The following CCDC102B variants were observed in gnomAD, a reference collection of about 807,000 sequenced individuals.
CCDC102B encodes coiled-coil domain-containing protein 102B.
A neutral mutation model predicts 57.4 loss-of-function variants in CCDC102B; 75 were observed. That is an observed-to-expected ratio of 1.31 (90% CI 1.08 to 1.58). CCDC102B has a LOEUF of 1.58. Ranked by LOEUF, CCDC102B falls within the 40% of genes most tolerant of loss-of-function variation. The probability of loss-of-function intolerance (pLI) is 0.00; values close to 1 mark genes in which losing one functional copy is unlikely to be tolerated. For synonymous variants in CCDC102B, 206 were observed against 201.9 expected, an observed-to-expected ratio of 1.02 and a Z score of -0.17; for missense variants, 636 against 582.6, an observed-to-expected ratio of 1.09 and a Z score of -0.94.
intron 6 of CCDC102B, among the ~76,000 whole-genome samples, chr18:68,987,776 CA>C (rs146775836): frequency 1.3e-5 from 2 of 150,728 alleles, no homozygotes; most frequent in Non-Finnish European, 3.0e-5. Context: ...AACAAATGGC[CA>C]AAAAAAACCA....
intron 2 of CCDC102B, among the ~76,000 whole-genome samples, chr18:68,743,264 C>T (rs906292577): frequency 1.3e-5 from 2 of 151,630 alleles, no homozygotes; most frequent in African/African-American, 4.8e-5. Flanking sequence ...AAAAATTAGA[C>T]AGGTGTGGGG....
intron 3 of CCDC102B, among the ~76,000 whole-genome samples, chr18:68,840,315 A>G (rs148011722): frequency 2.0e-5 from 3 of 152,300 alleles, no homozygotes; most frequent in Non-Finnish European, 2.9e-5. Flanking sequence ...GGACTGAAAT[A>G]GGGATAAATA....
intron 7 of CCDC102B, among the ~76,000 whole-genome samples, chr18:69,052,728 G>T (rs182195292): frequency 1.3e-5 from 2 of 151,444 alleles, no homozygotes; most frequent in Admixed American, 1.3e-4. Flanking sequence ...CTACCCAGTT[G>T]GCCCTCCATA....
chr18:69,000,131 G>A (rs2051162457), intron 6 of CCDC102B, among the ~76,000 whole-genome samples: 3 of 152,044 alleles, frequency 2.0e-5, no homozygotes, highest in Non-Finnish European at 4.4e-5. Context: ...AGCATAAGAG[G>A]ATAGTTTATT....
chr18:69,055,238 G>A, downstream of CCDC102B: 1 of 795,448 alleles, frequency 1.3e-6, no homozygotes, highest in Middle Eastern at 6.4e-4. Context: ...CTTTTTCCCT[G>A]TTTCTCTCCC....
At chr18:68,853,171 G>A (rs2038210198) in intron 4 of CCDC102B, among the ~76,000 whole-genome samples, 1 of 152,068 alleles carries the variant, frequency 6.6e-6, no homozygotes, top group African/African-American at 2.4e-5. Flanking sequence ...TTTTATATTT[G>A]TTTCTTATGT....
intron 4 of CCDC102B, among the ~76,000 whole-genome samples, chr18:68,851,146 T>G (rs1350974750): frequency 6.6e-6 from 1 of 152,244 alleles, no homozygotes; most frequent in East Asian, 1.9e-4. Flanking sequence ...AGCACTGTAC[T>G]AACACTTCTC....
intron 7 of CCDC102B, among the ~76,000 whole-genome samples, chr18:69,012,204 T>C (rs2051537317): frequency 6.6e-6 from 1 of 152,086 alleles, no homozygotes; most frequent in Non-Finnish European, 1.5e-5. Context: ...AAGAATGTGA[T>C]TTTAGGTTTT....
chr18:68,932,509 G>T (rs1463998472), intron 6 of CCDC102B, among the ~76,000 whole-genome samples: 1 of 151,700 alleles, frequency 6.6e-6, no homozygotes, highest in African/African-American at 2.4e-5. Flanking sequence ...ACCTTAAAAT[G>T]CATCCTTGGT....
chr18:68,734,445 C>T (rs925464618), intron 2 of CCDC102B, among the ~76,000 whole-genome samples: 3 of 152,144 alleles, frequency 2.0e-5, no homozygotes, highest in African/African-American at 7.2e-5. Context: ...TTTTGAATGA[C>T]ACAGTATGAC....
rs184847004 is a variant in CCDC102B, at chr18:68,863,291, T to C, written c.937-11378T>C. Reference sequence around the variant, plus strand: ...TTTTAATTTGCAATGCCCTATACTGTAGTATTGTTTGCTATTTTACTCTAT... The same window carrying C: ...TTTTAATTTGCAATGCCCTATACTGCAGTATTGTTTGCTATTTTACTCTAT... On this transcript the variant is annotated intron_variant, in intron 4 of 7. Transcript: ENST00000360242. 1.4e-4 allele frequency among the ~76,000 whole-genome samples: 22 copies of C among 152,042 alleles called. No individual in the cohort carries two copies. The East Asian group carries it at 4.1e-3, about 28-fold the overall frequency.
chr18:68,933,087 T>C (rs1160977123), intron 6 of CCDC102B, among the ~76,000 whole-genome samples: 2 of 133,716 alleles, frequency 1.5e-5, no homozygotes, highest in Admixed American at 7.7e-5. Context: ...GTTATTTTAT[T>C]TACTCCTCAT....
At chr18:68,898,327 C>G (rs1217576772) in intron 6 of CCDC102B, among the ~76,000 whole-genome samples, 1 of 151,970 alleles carries the variant, frequency 6.6e-6, no homozygotes, top group Non-Finnish European at 1.5e-5. Flanking sequence ...AAATTGAATT[C>G]CATATTATTT....
At chr18:68,851,194 T>G (rs1160188390) in intron 4 of CCDC102B, among the ~76,000 whole-genome samples, 1 of 152,196 alleles carries the variant, frequency 6.6e-6, no homozygotes, top group African/African-American at 2.4e-5. Flanking sequence ...AAACAGAGGC[T>G]ATGGTATAGT....
chr18:68,987,667 AAC>A (rs1228640498), intron 6 of CCDC102B, among the ~76,000 whole-genome samples: 3 of 152,214 alleles, frequency 2.0e-5, no homozygotes, highest in Admixed American at 6.5e-5. Context: ...ACAAAGGTCT[AAC>A]ACACAGAATC....
At chr18:68,904,723 A>C (rs2040565359) in intron 6 of CCDC102B, among the ~76,000 whole-genome samples, 1 of 152,144 alleles carries the variant, frequency 6.6e-6, no homozygotes, top group Non-Finnish European at 1.5e-5. Context: ...GAATTTTACC[A>C]ATCTAATTCT....
At chr18:68,808,081 AT>A (rs1445049100) in intron 1 of CCDC102B, among the ~76,000 whole-genome samples, 16 of 152,180 alleles carry the variant, frequency 1.1e-4, no homozygotes, top group African/African-American at 3.6e-4. Context: ...CATATTATAG[AT>A]GTAACTTTCC....
chr18:69,044,751 C>T (rs1297451158), intron 7 of CCDC102B, among the ~76,000 whole-genome samples: 1 of 152,254 alleles, frequency 6.6e-6, no homozygotes, highest in Non-Finnish European at 1.5e-5. Flanking sequence ...TTGGGAACCA[C>T]GTTTGGGATC....
chr18:68,853,672 T>TAAAAA (rs71175201), intron 4 of CCDC102B, among the ~76,000 whole-genome samples: 1,820 of 94,352 alleles, frequency 0.019, 208 homozygotes, highest in Non-Finnish European at 0.028. Flanking sequence ...CCCCAAATTG[T>TAAAAA]AAAAAAAAAA....
Sources: gnomAD v4.1 joint callset for allele counts (sites outside exome capture counted in the v4.1 genomes callset) on GRCh38, gnomAD v4.1.1 for gene constraint, MANE v1.5 for transcripts, NCBI Gene and HGNC (gene_info 2026-07-23, HGNC 2026-07-21) for gene names.